Variants in OTUD7A observed in about 807,000 individuals in gnomAD.
The protein encoded by OTUD7A is OTU domain-containing protein 7A.
Under a neutral mutation model 65.7 loss-of-function variants are expected in OTUD7A, and 12 were observed. The ratio of observed to expected loss-of-function variants is 0.18; its 90% CI spans 0.12 to 0.30. The LOEUF is 0.30. Ranked by LOEUF, OTUD7A falls within the 10% of genes least tolerant of loss-of-function variation. The probability of loss-of-function intolerance (pLI) is 1.00; values close to 1 mark genes in which losing one functional copy is unlikely to be tolerated. For synonymous variants in OTUD7A, 641 were observed against 586.3 expected, an observed-to-expected ratio of 1.09 and a Z score of -1.35; for missense variants, 1,148 against 1,304.8, an observed-to-expected ratio of 0.88 and a Z score of 1.85.
intron 3 of OTUD7A, among the ~76,000 whole-genome samples, chr15:31,596,398 G>A (rs1489561346): frequency 1.3e-5 from 2 of 152,216 alleles, no homozygotes; most frequent in South Asian, 2.1e-4. Context: ...TGAGGGATAT[G>A]TGCGTTACTT....
chr15:31,753,704 A>ATATATATATATTATATATATATATAT (rs1894713723), intron 1 of OTUD7A, among the ~76,000 whole-genome samples: 1 of 15,318 alleles, frequency 6.5e-5, no homozygotes, highest in African/African-American at 3.8e-4. Context: ...TATATATATT[A>ATATATATATATTATATATATATATAT]TATATATATA....
intron 3 of OTUD7A, among the ~76,000 whole-genome samples, chr15:31,592,464 T>C (rs1246109315): frequency 6.6e-6 from 1 of 152,120 alleles, no homozygotes; most frequent in Non-Finnish European, 1.5e-5. Flanking sequence ...CTCCACATCC[T>C]GTCCCACTGG....
intron 1 of OTUD7A, among the ~76,000 whole-genome samples, chr15:31,701,683 T>C (rs569011186): frequency 0.016 from 2,470 of 151,406 alleles, 81 homozygotes; most frequent in African/African-American, 0.057. Context: ...CAAAGAAATG[T>C]CCAGGCCTAG....
chr15:31,531,600 C>T (rs1219866193), intron 5 of OTUD7A, among the ~76,000 whole-genome samples: 1 of 150,692 alleles, frequency 6.6e-6, no homozygotes, highest in Non-Finnish European at 1.5e-5. Flanking sequence ...GGTAGCTTAG[C>T]AAAACAGTAG....
chr15:31,693,888 G>A (rs1007700754), intron 1 of OTUD7A, among the ~76,000 whole-genome samples: 3 of 152,184 alleles, frequency 2.0e-5, no homozygotes, highest in Admixed American at 6.5e-5. Context: ...GCATCACCAC[G>A]GGACTTGGGC....
At chr15:31,525,813 T>A (rs1435224810) in intron 8 of OTUD7A, among the ~76,000 whole-genome samples, 1 of 152,186 alleles carries the variant, frequency 6.6e-6, no homozygotes, top group East Asian at 1.9e-4. Context: ...CATGCACAGA[T>A]GTGAAGTCTT....
chr15:31,724,736 C>G (rs1461682941), intron 1 of OTUD7A, among the ~76,000 whole-genome samples: 3 of 152,094 alleles, frequency 2.0e-5, no homozygotes, highest in Non-Finnish European at 4.4e-5. Context: ...GTGAAAGGAC[C>G]ATCCAGCCTT....
chr15:31,604,209 G>A (rs913163740), intron 3 of OTUD7A, among the ~76,000 whole-genome samples: 1 of 152,186 alleles, frequency 6.6e-6, no homozygotes, highest in Non-Finnish European at 1.5e-5. Flanking sequence ...GTCCACCAAT[G>A]ATAGACTGGA....
intron 3 of OTUD7A, among the ~76,000 whole-genome samples, chr15:31,638,370 A>G (rs1220240303): frequency 1.8e-4 from 25 of 139,694 alleles, no homozygotes; most frequent in Middle Eastern, 7.2e-3. Flanking sequence ...AGAATAGTAT[A>G]AAGATAACTT....
At chr15:31,622,020 T>C (rs564692618) in intron 3 of OTUD7A, among the ~76,000 whole-genome samples, 1 of 152,324 alleles carries the variant, frequency 6.6e-6, no homozygotes, top group East Asian at 1.9e-4. Context: ...CCTTCACTTA[T>C]GAAGCTTAGT....
intron 3 of OTUD7A, among the ~76,000 whole-genome samples, chr15:31,626,736 T>C (rs1359536458): frequency 1.3e-5 from 2 of 151,988 alleles, no homozygotes; most frequent in African/African-American, 4.8e-5. Context: ...CCACCATACC[T>C]GGTTAATTTT....
chr15:31,658,785 T>C (rs572644501), intron 1 of OTUD7A, among the ~76,000 whole-genome samples: 7 of 151,634 alleles, frequency 4.6e-5, no homozygotes, highest in East Asian at 1.9e-4. Flanking sequence ...CCCAGCACTT[T>C]GGGAGGCCGA....
chr15:31,617,710 G>A (rs918316247), intron 3 of OTUD7A, among the ~76,000 whole-genome samples: 7 of 152,054 alleles, frequency 4.6e-5, no homozygotes, highest in Admixed American at 1.3e-4. Flanking sequence ...AAGAGGGAAG[G>A]AAAGAGATTT....
chr15:31,692,941 CTT>C (rs1892990774), intron 1 of OTUD7A, among the ~76,000 whole-genome samples: 1 of 151,276 alleles, frequency 6.6e-6, no homozygotes, highest in East Asian at 2.0e-4. Context: ...GGGACAGACA[CTT>C]TTCCTGGCTT....
chr15:31,600,432 G>C (rs1316443566), intron 3 of OTUD7A, among the ~76,000 whole-genome samples: 1 of 152,122 alleles, frequency 6.6e-6, no homozygotes, highest in Non-Finnish European at 1.5e-5. Context: ...TGACCACCAG[G>C]CCTGCCTTAC....
intron 1 of OTUD7A, among the ~76,000 whole-genome samples, chr15:31,714,517 T>A (rs1893532431): frequency 1.3e-5 from 2 of 152,168 alleles, no homozygotes; most frequent in South Asian, 4.1e-4. Flanking sequence ...AAAAGGCATA[T>A]TTACATTTTT....
At chr15:31,844,816 C>T (rs1503017) in intron 1 of OTUD7A, among the ~76,000 whole-genome samples, 2 of 152,140 alleles carry the variant, frequency 1.3e-5, no homozygotes, top group African/African-American at 4.8e-5. Context: ...CAGGAGGCCA[C>T]GAGAGGCAAT....
chr15:31,862,177 T>C (rs1370401817), intron 1 of OTUD7A, among the ~76,000 whole-genome samples: 1 of 152,146 alleles, frequency 6.6e-6, no homozygotes, highest in Non-Finnish European at 1.5e-5. Flanking sequence ...TTTTCCTCTC[T>C]CCCACCCCCT....
At chr15:31,769,678 T>G (rs909038309) in intron 1 of OTUD7A, among the ~76,000 whole-genome samples, 3 of 152,244 alleles carry the variant, frequency 2.0e-5, no homozygotes, top group African/African-American at 4.8e-5. Context: ...AAATCTCAAA[T>G]CTGCTATGCT....
Sources: gnomAD v4.1 joint callset for allele counts (sites outside exome capture counted in the v4.1 genomes callset) on GRCh38, gnomAD v4.1.1 for gene constraint, MANE v1.5 for transcripts, NCBI Gene and HGNC (gene_info 2026-07-23, HGNC 2026-07-21) for gene names.